ADARB2: variants seen among roughly 807,000 people sequenced by gnomAD.
The protein encoded by ADARB2 is inactive double-stranded RNA-specific editase B2.
ADARB2 carries 25 observed loss-of-function variants against 62.2 expected under a neutral mutation model. The observed-to-expected ratio is 0.40, with a 90% CI of 0.29 to 0.56. ADARB2 has a LOEUF of 0.56. Among genes scored for constraint, ADARB2 ranks in the 20% least tolerant of loss-of-function variants. The pLI is 0.43. For missense variants in ADARB2, 1,071 were observed against 1,077.4 expected (o/e 0.99, Z 0.08); for synonymous variants, 572 against 500.8 (o/e 1.14, Z -1.90).
chr10:1,265,941 C>T (rs1178041756), intron 4 of ADARB2, among the ~76,000 whole-genome samples: 16 of 127,166 alleles, frequency 1.3e-4, no homozygotes, highest in African/African-American at 4.3e-4. Flanking sequence ...CCCCGGAAGA[C>T]GGCCTGAGAG....
At chr10:1,624,267 C>T (rs980600842) in intron 1 of ADARB2, among the ~76,000 whole-genome samples, 1 of 152,106 alleles carries the variant, frequency 6.6e-6, no homozygotes, top group Non-Finnish European at 1.5e-5. Flanking sequence ...CAAAAACAAA[C>T]AAAAACCAAA....
rs1589185995 is a variant in ADARB2, at chr10:1,303,384, G to C, written c.1078-32315C>G. ...CAAGAAATATGGGACTATGTGAAAA[G>C]ACCAAATCTACATCTGATTGGTGTA... On this transcript the variant is annotated intron_variant, in intron 3 of 9. Transcript: ENST00000381312. Among the ~76,000 whole-genome samples the C allele has an allele frequency of 5.3e-5, 8 of 151,900 alleles. No individual in the cohort carries two copies. The South Asian group carries it at 1.7e-3, about 32-fold the overall frequency.
intron 3 of ADARB2, among the ~76,000 whole-genome samples, chr10:1,288,606 G>C (rs970212166): frequency 2.6e-5 from 4 of 152,226 alleles, no homozygotes; most frequent in Admixed American, 2.0e-4. Flanking sequence ...GGAGAGAGAA[G>C]AGATGCCTTG....
intron 3 of ADARB2, among the ~76,000 whole-genome samples, chr10:1,299,016 A>G (rs1213806511): frequency 1.3e-5 from 2 of 151,828 alleles, no homozygotes; most frequent in Non-Finnish European, 2.9e-5. Flanking sequence ...AACTGCTGGG[A>G]TGACAGGTGT....
chr10:1,359,696 C>G (rs561844260), intron 3 of ADARB2, among the ~76,000 whole-genome samples: 1 of 152,180 alleles, frequency 6.6e-6, no homozygotes, highest in Non-Finnish European at 1.5e-5. Flanking sequence ...CGAGCTGTCC[C>G]GGCAGGACAG....
chr10:1,660,713 C>T (rs937618093), intron 1 of ADARB2, among the ~76,000 whole-genome samples: 3 of 152,180 alleles, frequency 2.0e-5, no homozygotes, highest in African/African-American at 7.2e-5. Context: ...GACACCTGCC[C>T]ATCCCCAGCC....
At chr10:1,643,020 T>A (rs1588335667) in intron 1 of ADARB2, among the ~76,000 whole-genome samples, 1 of 152,310 alleles carries the variant, frequency 6.6e-6, no homozygotes, top group Non-Finnish European at 1.5e-5. Flanking sequence ...GCCTGGGTGT[T>A]TATTCAGGTA....
intron 2 of ADARB2, among the ~76,000 whole-genome samples, chr10:1,371,230 G>C (rs762221494): frequency 6.6e-6 from 1 of 152,186 alleles, no homozygotes; most frequent in Non-Finnish European, 1.5e-5. Flanking sequence ...CTGGGAAATT[G>C]GCTATCCATA....
intron 1 of ADARB2, among the ~76,000 whole-genome samples, chr10:1,489,917 G>A (rs1281071610): frequency 1.3e-5 from 2 of 152,218 alleles, no homozygotes; most frequent in East Asian, 3.8e-4. Flanking sequence ...AAATTAAAAT[G>A]TCTCCATACA....
chr10:1,655,418 C>T (rs1192104188), intron 1 of ADARB2, among the ~76,000 whole-genome samples: 1 of 152,202 alleles, frequency 6.6e-6, no homozygotes, highest in Non-Finnish European at 1.5e-5. Context: ...CTTTTCCGGG[C>T]TGAGTTTTCT....
rs1035335101 is a variant in ADARB2 at position 1,513,495 on chromosome 10, A to G, written c.101-134335T>C. ...TCCTCTTCTTGCCTGTGTGGAGTTCATGGCTCTGTTCTGGCTCTGGTGCTC... is the reference window on the plus strand; with the variant it reads ...TCCTCTTCTTGCCTGTGTGGAGTTCGTGGCTCTGTTCTGGCTCTGGTGCTC... On this transcript the variant is annotated intron_variant, in intron 1 of 9. Coordinates refer to ENST00000381312, the MANE Select transcript of ADARB2 (RefSeq NM_018702.4). Among the ~76,000 whole-genome samples the G allele has an allele frequency of 2.0e-5, 3 of 152,078 alleles. No homozygotes were observed. In the South Asian group the frequency reaches 6.2e-4, roughly 32 times the overall value.
At chr10:1,544,347 G>T (rs1444883019) in intron 1 of ADARB2, among the ~76,000 whole-genome samples, 30 of 152,232 alleles carry the variant, frequency 2.0e-4, no homozygotes, top group Admixed American at 1.7e-3. Flanking sequence ...GGTGCGGAGT[G>T]TTGGGCTGTG....
At chr10:1,533,652 G>C (rs138076164) in intron 1 of ADARB2, among the ~76,000 whole-genome samples, 2 of 152,332 alleles carry the variant, frequency 1.3e-5, no homozygotes, top group African/African-American at 4.8e-5. Context: ...ACCAGGATGA[G>C]TTAATGATTT....
At chr10:1,719,578 G>A (rs1360896087) in intron 1 of ADARB2, among the ~76,000 whole-genome samples, 4 of 152,144 alleles carry the variant, frequency 2.6e-5, no homozygotes, top group African/African-American at 4.8e-5. Context: ...GAGCTTCTGC[G>A]CAGCAAAAGA....
At chr10:1,641,957 G>C (rs888869142) in intron 1 of ADARB2, among the ~76,000 whole-genome samples, 6 of 152,132 alleles carry the variant, frequency 3.9e-5, no homozygotes, top group African/African-American at 1.4e-4. Context: ...AGGTTGAAGT[G>C]AGCCGAGATG....
At chr10:1,681,985 C>T (rs1328624038) in intron 1 of ADARB2, among the ~76,000 whole-genome samples, 3 of 152,172 alleles carry the variant, frequency 2.0e-5, no homozygotes, top group African/African-American at 4.8e-5. Context: ...TCCCGAGCTT[C>T]GGTGCTGTCA....
intron 1 of ADARB2, among the ~76,000 whole-genome samples, chr10:1,481,669 C>T (rs10903465): frequency 0.2 from 30,992 of 151,830 alleles, 3,239 homozygotes; most frequent in African/African-American, 0.24. Context: ...CCAGCCTGGC[C>T]AACATGGTGA....
intron 1 of ADARB2, chr10:1,678,338 GGTGAGGGACCTCGGA>G (rs1834494438): frequency 1.0e-6 from 1 of 985,014 alleles, no homozygotes; most frequent in African/African-American, 1.8e-5. Flanking sequence ...ACATCCTCGG[GGTGAGGGACCTCGGA>G]GTGAGTGACC....
chr10:1,469,033 C>T (rs137865916), intron 1 of ADARB2, among the ~76,000 whole-genome samples: 1,596 of 152,324 alleles, frequency 0.01, 16 homozygotes, highest in Non-Finnish European at 0.018. Context: ...AACACAGCAA[C>T]GCTTTCTCGC....
Sources: allele counts gnomAD v4.1 joint callset (sites outside exome capture counted in the v4.1 genomes callset), GRCh38; gene constraint gnomAD v4.1.1; transcripts MANE v1.5; gene names NCBI Gene and HGNC (gene_info 2026-07-23, HGNC 2026-07-21).